Variants in GPR4 observed in about 807,000 individuals in gnomAD.
GPR4 encodes G protein-coupled receptor 4.
A neutral mutation model predicts 17.8 loss-of-function variants in GPR4; 11 were observed. That is an observed-to-expected ratio of 0.62 (90% confidence interval 0.39 to 1.02). The LOEUF (loss-of-function observed/expected upper bound fraction) is 1.02, where lower values mean the gene tolerates loss of function less well. Ranked by LOEUF, GPR4 falls within the 50% of genes least tolerant of loss-of-function variation. The pLI, the probability that GPR4 is intolerant of heterozygous loss-of-function variation, is 0.00. For synonymous variants in GPR4, 219 were observed against 222.8 expected (o/e 0.98, Z 0.15); for missense variants, 364 against 495.4 (o/e 0.73, Z 2.52).
chr19:45,590,830 G>A lies in GPR4; in HGVS notation c.1037C>T (p.Pro346Leu), dbSNP rs551669816. Residue 346 changes from proline to leucine, a missense_variant, in exon 2 of 2, where the codon CCG becomes CTG. This residue lies in a region of GPR4 where 92 missense variants were observed against 106.0 expected (regional missense o/e 0.87). Transcript: ENST00000323040. ...CTGCACCTGGTCCCCCTGGGAGGGC[G>A]GAGTGGCCGCCCAGCTGCCAGTCAT... ...KAMTGSWAAT[P>L]PSQGDQVQLK... 1.3e-5 allele frequency: 21 copies of A among 1,608,702 alleles called. No individual in the cohort carries two copies. The highest frequency in any genetic ancestry group is 3.3e-4 in the Middle Eastern group (2 of 6,034).
chr19:45,598,677 ATG>A (rs1284570855), intron 1 of GPR4, among the ~76,000 whole-genome samples: 1 of 152,112 alleles, frequency 6.6e-6, no homozygotes, highest in East Asian at 1.9e-4. Flanking sequence ...CAGCCGACGT[ATG>A]TGTGGCAGCT....
intron 1 of GPR4, among the ~76,000 whole-genome samples, chr19:45,594,228 C>T (rs1443630441): frequency 6.8e-6 from 1 of 148,060 alleles, no homozygotes; most frequent in Admixed American, 6.7e-5. Flanking sequence ...TCAAAACCAT[C>T]CTGGCCAAAA....
At chr19:45,596,400 T>A (rs1170431100) in intron 1 of GPR4, among the ~76,000 whole-genome samples, 1 of 152,074 alleles carries the variant, frequency 6.6e-6, no homozygotes, top group Non-Finnish European at 1.5e-5. Flanking sequence ...AGACAGGGTT[T>A]CTCCATGTTG....
intron 1 of GPR4, among the ~76,000 whole-genome samples, chr19:45,601,185 A>G (rs912947995): frequency 3.3e-5 from 5 of 152,060 alleles, no homozygotes; most frequent in South Asian, 2.1e-4. Flanking sequence ...AAATTCCCCA[A>G]TGCATATCCA....
chr19:45,598,366 C>T lies in GPR4; in HGVS notation c.-832+3729G>A, dbSNP rs563078254. ...CCGAGGGCTAGAAGTCCCCTTTGCC[C>T]CACTTTCTATCGACCCCCAGGGCTC... On this transcript the variant is annotated intron_variant, in intron 1 of 1. Coordinates refer to ENST00000323040, the MANE Select transcript of GPR4 (RefSeq NM_005282.3). 3.3e-5 allele frequency among the ~76,000 whole-genome samples: 5 copies of T among 152,154 alleles called. No homozygotes were observed. The East Asian group carries it at 9.7e-4, about 29-fold the overall frequency.
chr19:45,594,421 CAAAA>C (rs11284570), intron 1 of GPR4, among the ~76,000 whole-genome samples: 3 of 75,768 alleles, frequency 4.0e-5, no homozygotes, highest in African/African-American at 4.9e-5. Context: ...GACTCCGTCT[CAAAA>C]AAAAAAAAAA....
chr19:45,595,304 TA>T (rs1568417598), intron 1 of GPR4, among the ~76,000 whole-genome samples: 1 of 138,420 alleles, frequency 7.2e-6, no homozygotes, highest in Non-Finnish European at 1.6e-5. Flanking sequence ...AATAAATAAA[TA>T]AATAAATAAA....
intron 1 of GPR4, among the ~76,000 whole-genome samples, chr19:45,594,078 A>ATATATATATATTTTTTTTATATATATTT (rs1555738345): frequency 1.2e-4 from 9 of 74,608 alleles, no homozygotes; most frequent in South Asian, 1.1e-3. Flanking sequence ...ATATATATAT[A>ATATATATATATTTTTTTTATATATATTT]TATATATATA....
chr19:45,593,936 G>C (rs1027493236), intron 1 of GPR4, among the ~76,000 whole-genome samples: 1 of 149,154 alleles, frequency 6.7e-6, no homozygotes, highest in African/African-American at 2.5e-5. Context: ...CTAGAATGCA[G>C]TAGCACGATC....
chr19:45,595,562 C>G (rs1970050117), intron 1 of GPR4, among the ~76,000 whole-genome samples: 1 of 152,218 alleles, frequency 6.6e-6, no homozygotes, highest in South Asian at 2.1e-4. Flanking sequence ...AGCCTGTCAC[C>G]CACTTTGTTC....
intron 1 of GPR4, among the ~76,000 whole-genome samples, chr19:45,593,679 C>T: frequency 6.6e-6 from 1 of 152,034 alleles, no homozygotes; most frequent in South Asian, 2.1e-4. Context: ...ATGTCACAGA[C>T]AGGGAGAAGG....
chr19:45,599,476 C>T (rs1027391934), intron 1 of GPR4, among the ~76,000 whole-genome samples: 1 of 151,720 alleles, frequency 6.6e-6, no homozygotes, highest in African/African-American at 2.4e-5. Context: ...CAGCCAGCTC[C>T]GGTCTGCTCA....
chr19:45,599,886 T>A (rs1970095828), intron 1 of GPR4: 1 of 152,212 alleles, frequency 6.6e-6, no homozygotes, highest in African/African-American at 2.4e-5. Context: ...GAACACGCTA[T>A]GATTTTTTTA....
At chr19:45,600,530 T>A (rs1970101908) in intron 1 of GPR4, among the ~76,000 whole-genome samples, 1 of 152,212 alleles carries the variant, frequency 6.6e-6, no homozygotes, top group South Asian at 2.1e-4. Context: ...CTACTCACCC[T>A]GGCATCTCTC....
At position 45,592,157 on chromosome 19, in the gene GPR4, T is replaced by G. The variant is rs1196105251; in HGVS notation, c.-291A>C. ...AAGGAGGTTATGTATGGAGTCAGTG[T>G]GTCAACGAGGGAGTATGGGGGTGAC... On this transcript the variant is annotated 5_prime_UTR_variant, in exon 2 of 2. Coordinates refer to ENST00000323040, the MANE Select transcript of GPR4 (RefSeq NM_005282.3). The G allele has an allele frequency of 2.8e-6, 1 of 356,268 alleles. No homozygotes were observed. Among genetic ancestry groups the G allele is most frequent in the African/African-American group, 2.1e-5 (1 of 46,920 alleles). The allele number at this position is 356,268 out of a possible 1,614,324, so 22.1% of individuals were successfully genotyped here. A position where few individuals can be genotyped will look rare whatever the true frequency, so the allele number is the denominator to read the frequency against.
intron 1 of GPR4, among the ~76,000 whole-genome samples, chr19:45,595,923 A>C (rs1035441628): frequency 2.6e-5 from 4 of 152,112 alleles, no homozygotes; most frequent in Non-Finnish European, 5.9e-5. Context: ...CAAATGAGGA[A>C]ACCAATCCCC....
At chr19:45,598,953 G>A (rs961519189) in intron 1 of GPR4, among the ~76,000 whole-genome samples, 6 of 152,036 alleles carry the variant, frequency 3.9e-5, no homozygotes, top group Non-Finnish European at 5.9e-5. Context: ...GAAAGCAAGC[G>A]ACCTTCCATC....
At chr19:45,601,196 G>A (rs1043078946) in intron 1 of GPR4, among the ~76,000 whole-genome samples, 1 of 152,090 alleles carries the variant, frequency 6.6e-6, no homozygotes, top group Non-Finnish European at 1.5e-5. Context: ...TGCATATCCA[G>A]CCTGAGTACG....
intron 1 of GPR4, among the ~76,000 whole-genome samples, chr19:45,599,412 C>A (rs1211143611): frequency 6.6e-6 from 1 of 151,708 alleles, no homozygotes; most frequent in Non-Finnish European, 1.5e-5. Context: ...CCTCTGTGGG[C>A]TCCTGCTCCC....
Sources: gnomAD v4.1 joint callset for allele counts (sites outside exome capture counted in the v4.1 genomes callset) on GRCh38, gnomAD v4.1.1 for gene constraint, gnomAD v4.1.1 regional missense constraint, MANE v1.5 for transcripts, NCBI Gene and HGNC (gene_info 2026-07-23, HGNC 2026-07-21) for gene names.